The following TRMT11 variants were observed in gnomAD, a reference collection of about 807,000 sequenced individuals.
The protein encoded by TRMT11 is tRNA (guanine(10)-N(2))-methyltransferase TRMT11.
In TRMT11, 53 loss-of-function variants were observed where a neutral mutation model predicts 62.8. That is an observed-to-expected ratio of 0.84 (90% CI 0.68 to 1.06). The LOEUF (loss-of-function observed/expected upper bound fraction) is 1.06, where lower values mean the gene tolerates loss of function less well. Ranked by LOEUF, TRMT11 falls within the 50% of genes least tolerant of loss-of-function variation. TRMT11 has a pLI of 0.00. For missense variants in TRMT11, 556 were observed against 553.4 expected (o/e 1.00, Z -0.05); for synonymous variants, 188 against 190.3 (o/e 0.99, Z 0.10).
At chr6:126,172,404 C>T (rs1280264060), upstream of TRMT11, among the ~76,000 whole-genome samples, 1 of 152,112 alleles carries the variant, frequency 6.6e-6, no homozygotes, top group African/African-American at 2.4e-5. Context: ...GTGGCAGAAC[C>T]CCCATGCAGA....
rs188778156 is a variant in TRMT11, at chr6:126,072,613, T to C, written c.*1437+19423T>C. Among the ~76,000 whole-genome samples the C allele has an allele frequency of 4.1e-3, 624 of 152,346 alleles. 5 individuals are homozygous for C. Among genetic ancestry groups the C allele is most frequent in the Middle Eastern group, 0.01 (3 of 294 alleles). On this transcript the variant is annotated intron_variant and NMD_transcript_variant, in intron 17 of 22. Coordinates refer to the TRMT11 transcript ENST00000648977. Reference sequence around the variant, plus strand: ...TTTTATATGTGTATCTTAGTTCAGTTCAGGCTGCTATAACAATATCACATA... The same window carrying C: ...TTTTATATGTGTATCTTAGTTCAGTCCAGGCTGCTATAACAATATCACATA...
At chr6:126,049,799 AT>A (rs1284172650) in intron 16 of TRMT11, among the ~76,000 whole-genome samples, 1 of 152,240 alleles carries the variant, frequency 6.6e-6, no homozygotes, top group Admixed American at 6.5e-5. Flanking sequence ...AACATTACAA[AT>A]TTTTTAAAAA....
At chr6:126,220,180 G>A in the TRMT11 span, among the ~76,000 whole-genome samples, 3 of 152,188 alleles carry the variant, frequency 2.0e-5, no homozygotes, top group African/African-American at 7.2e-5. Context: ...AAAGCAAGTT[G>A]CCTAGCCATG....
chr6:126,086,060 T>C (rs1777213843), intron 17 of TRMT11, among the ~76,000 whole-genome samples: 1 of 152,180 alleles, frequency 6.6e-6, no homozygotes, highest in Non-Finnish European at 1.5e-5. Flanking sequence ...TTTTAACAGT[T>C]GGAGGAAAAT....
At chr6:125,998,718 G>T (rs1562243182) in intron 6 of TRMT11, 34 bp downstream of exon 6, 1 of 1,599,166 alleles carries the variant, frequency 6.3e-7, no homozygotes, top group Non-Finnish European at 8.5e-7. Context: ...ATGTCAGTTT[G>T]TTTTTTTGAA....
At chr6:126,214,147 T>C in the TRMT11 span, among the ~76,000 whole-genome samples, 1 of 149,208 alleles carries the variant, frequency 6.7e-6, no homozygotes, top group Non-Finnish European at 1.5e-5. Context: ...TCCTAGTATT[T>C]TGTTGAGGAT....
chr6:126,253,247 C>T, the TRMT11 span, among the ~76,000 whole-genome samples: 2 of 152,154 alleles, frequency 1.3e-5, no homozygotes, highest in Non-Finnish European at 2.9e-5. Context: ...CACTTTTGCT[C>T]ATCTTGTCCC....
intron 16 of TRMT11, among the ~76,000 whole-genome samples, chr6:126,051,457 C>T (rs987700185): frequency 6.6e-6 from 1 of 152,156 alleles, no homozygotes; most frequent in Non-Finnish European, 1.5e-5. Context: ...TACTAACCCA[C>T]TCCCCCTACC....
the TRMT11 span, among the ~76,000 whole-genome samples, chr6:126,231,663 T>C: frequency 6.6e-6 from 1 of 152,170 alleles, no homozygotes; most frequent in Non-Finnish European, 1.5e-5. Context: ...TTGTAGCCCC[T>C]GTTATGTTTT....
intron 21 of TRMT11, among the ~76,000 whole-genome samples, chr6:126,129,227 G>A (rs541087851): frequency 5.9e-5 from 9 of 152,090 alleles, no homozygotes; most frequent in East Asian, 1.9e-4. Flanking sequence ...CACAATGTGC[G>A]CAACTTGAGA....
At chr6:126,249,868 A>T in the TRMT11 span, among the ~76,000 whole-genome samples, 1 of 152,150 alleles carries the variant, frequency 6.6e-6, no homozygotes. Context: ...AATTAGGAGT[A>T]TGATTGAGAG....
chr6:126,258,437 C>A, the TRMT11 span: 4 of 330,656 alleles, frequency 1.2e-5, no homozygotes, highest in South Asian at 1.0e-4. Flanking sequence ...AGCCTGCTGG[C>A]TCCGCTCTGC....
chr6:126,007,951 A>T (rs1254375978), intron 7 of TRMT11, among the ~76,000 whole-genome samples: 2 of 152,054 alleles, frequency 1.3e-5, no homozygotes, highest in Non-Finnish European at 1.5e-5. Flanking sequence ...CATAGTAATT[A>T]TGCCCTATTT....
downstream of TRMT11, among the ~76,000 whole-genome samples, chr6:126,043,740 G>A (rs1403719847): frequency 4.0e-5 from 6 of 150,396 alleles, no homozygotes; most frequent in South Asian, 2.1e-4. Flanking sequence ...TTTAATGATT[G>A]CCATTCTAAC....
chr6:126,241,285 C>T, the TRMT11 span, among the ~76,000 whole-genome samples: 1 of 152,316 alleles, frequency 6.6e-6, no homozygotes, highest in South Asian at 2.1e-4. Flanking sequence ...TTCTGTGTCG[C>T]TCACGCTGGG....
At chr6:126,088,875 A>T (rs1398748951) in intron 17 of TRMT11, among the ~76,000 whole-genome samples, 1 of 152,220 alleles carries the variant, frequency 6.6e-6, no homozygotes, top group African/African-American at 2.4e-5. Flanking sequence ...TCAAATCCCA[A>T]ACTGTTTTCA....
At chr6:126,056,931 A>C (rs889053371) in intron 17 of TRMT11, among the ~76,000 whole-genome samples, 1 of 152,086 alleles carries the variant, frequency 6.6e-6, no homozygotes, top group Non-Finnish European at 1.5e-5. Context: ...TTGAGATAGG[A>C]GCTCTGGGTT....
At chr6:126,137,256 C>T (rs917859257) in intron 21 of TRMT11, among the ~76,000 whole-genome samples, 1 of 151,518 alleles carries the variant, frequency 6.6e-6, no homozygotes, top group Non-Finnish European at 1.5e-5. Context: ...AATTAATAAC[C>T]AGAGTATGTA....
At chr6:126,159,875 T>G (rs1239198396) in intron 21 of TRMT11, among the ~76,000 whole-genome samples, 18 of 152,164 alleles carry the variant, frequency 1.2e-4, no homozygotes, top group Admixed American at 1.2e-3. Context: ...CTCTCTCTTG[T>G]TTTTCAAATA....
Sources: allele counts gnomAD v4.1 joint callset (sites outside exome capture counted in the v4.1 genomes callset), GRCh38; gene constraint gnomAD v4.1.1; transcripts MANE v1.5; gene names NCBI Gene and HGNC (gene_info 2026-07-23, HGNC 2026-07-21).